PTPRC: variants seen among roughly 807,000 people sequenced by gnomAD.
PTPRC encodes the protein protein tyrosine phosphatase receptor type C, also known as receptor-type tyrosine-protein phosphatase C.
In PTPRC, 44 loss-of-function variants were observed where a neutral mutation model predicts 155.9. That is an observed-to-expected ratio of 0.28 (90% CI 0.22 to 0.36). The LOEUF is 0.36. Ranked by LOEUF, PTPRC falls within the 10% of genes least tolerant of loss-of-function variation. The pLI, the probability that PTPRC is intolerant of heterozygous loss-of-function variation, is 1.00. For synonymous variants in PTPRC, 525 were observed against 533.1 expected, an observed-to-expected ratio of 0.98 and a Z score of 0.21; for missense variants, 1,401 against 1,564.6, an observed-to-expected ratio of 0.90 and a Z score of 1.76.
intron 6 of PTPRC, 94 bp downstream of exon 6, chr1:198,702,624 T>A (rs1040893585): frequency 1.3e-6 from 2 of 1,525,540 alleles, no homozygotes; most frequent in Non-Finnish European, 1.8e-6. Context: ...GTGCCAGATA[T>A]TATTTGTAGG....
chr1:198,750,766 C>G, intron 29 of PTPRC, 140 bp downstream of exon 29: 1 of 1,116,296 alleles, frequency 9.0e-7, no homozygotes, highest in Non-Finnish European at 1.3e-6. Context: ...AGTCTTACCC[C>G]TTTCACCCTG....
At chr1:198,712,464 T>C (rs906209248) in intron 11 of PTPRC, among the ~76,000 whole-genome samples, 1 of 152,220 alleles carries the variant, frequency 6.6e-6, no homozygotes, top group Non-Finnish European at 1.5e-5. Flanking sequence ...TTAAACTGTA[T>C]CTCAAATGGG....
At chr1:198,688,730 A>G (rs1665767937) in intron 2 of PTPRC, among the ~76,000 whole-genome samples, 1 of 152,206 alleles carries the variant, frequency 6.6e-6, no homozygotes, top group South Asian at 2.1e-4. Flanking sequence ...ATGCATTTTT[A>G]CTTAGCTCAT....
chr1:198,718,381 AC>A, intron 14 of PTPRC, 79 bp downstream of exon 14: 1 of 1,136,694 alleles, frequency 8.8e-7, no homozygotes, highest in Non-Finnish European at 1.3e-6. Flanking sequence ...TAACTTTAAG[AC>A]CACTGCTCAC....
rs1239416943 is a variant in PTPRC at position 198,734,217 on chromosome 1, T to C, written c.2164T>C (p.Tyr722His). ...ATAGGGTTTCAAAGAACCCAGGAAA[T>C]ACATTGCTGCACAAGGTAATTTCTT... ...YIDGFKEPRK[Y>H]IAAQGPRDET... Residue 722 changes from tyrosine to histidine, a missense_variant, in exon 21 of 33, where the codon TAC becomes CAC. Transcript: ENST00000442510. 1 of 1,610,952 alleles carries C rather than the reference T, an allele frequency of 6.2e-7. No homozygotes were observed. The highest frequency in any genetic ancestry group is 8.5e-7 in the Non-Finnish European group (1 of 1,177,982).
At chr1:198,755,833 C>T in intron 32 of PTPRC, 73 bp from the exon 33 acceptor site, 1 of 1,448,948 alleles carries the variant, frequency 6.9e-7, no homozygotes. Flanking sequence ...TTAGTTCTTG[C>T]TAATCTTCAT....
intron 4 of PTPRC, among the ~76,000 whole-genome samples, chr1:198,697,860 AT>A (rs2102388294): frequency 6.6e-6 from 1 of 152,362 alleles, no homozygotes; most frequent in East Asian, 1.9e-4. Flanking sequence ...TTTATTGGAT[AT>A]AGTAAGCAGT....
rs1318148159 is a variant in PTPRC at position 198,639,087 on chromosome 1, A to C, written c.-94A>C. 3.2e-6 allele frequency: 2 copies of C among 616,484 alleles called. No individual in the cohort carries two copies. The highest frequency in any genetic ancestry group is 5.6e-5 in the East Asian group (2 of 35,556). The allele number at this position is 616,484 out of a possible 1,614,324, so 38.2% of individuals were successfully genotyped here. A position where few individuals can be genotyped will look rare whatever the true frequency, so the allele number is the denominator to read the frequency against. On this transcript the variant is annotated 5_prime_UTR_variant, in exon 1 of 33. Transcript: ENST00000442510. ...TGCAGCTAGCAAGTGGTTTGTTCTTAGGGTAACAGAGGAGGAAATTGTTCC... is the reference window on the plus strand; with the variant it reads ...TGCAGCTAGCAAGTGGTTTGTTCTTCGGGTAACAGAGGAGGAAATTGTTCC...
intron 9 of PTPRC, among the ~76,000 whole-genome samples, chr1:198,707,559 TTAA>T (rs1292112944): frequency 6.6e-6 from 1 of 152,196 alleles, no homozygotes; most frequent in African/African-American, 2.4e-5. Context: ...GTCATATCAT[TTAA>T]TAATTCAAGA....
chr1:198,662,222 G>A (rs1363648854), intron 2 of PTPRC, among the ~76,000 whole-genome samples: 1 of 152,148 alleles, frequency 6.6e-6, no homozygotes, highest in Non-Finnish European at 1.5e-5. Flanking sequence ...GACTTCATAT[G>A]TGCTAGATGC....
intron 24 of PTPRC, 61 bp downstream of exon 24, chr1:198,742,087 C>T: frequency 6.2e-7 from 1 of 1,604,504 alleles, no homozygotes; most frequent in Non-Finnish European, 8.5e-7. Flanking sequence ...AATCCACCTG[C>T]CTAGGGCTGT....
chr1:198,751,715 T>G (rs1351602191), intron 29 of PTPRC, among the ~76,000 whole-genome samples: 1 of 152,014 alleles, frequency 6.6e-6, no homozygotes, highest in African/African-American at 2.4e-5. Context: ...GAAACACTTT[T>G]GTGGTTCATC....
intron 14 of PTPRC, among the ~76,000 whole-genome samples, 153 bp downstream of exon 14, chr1:198,718,455 C>A (rs934906487): frequency 6.6e-6 from 1 of 152,128 alleles, no homozygotes; most frequent in Non-Finnish European, 1.5e-5. Context: ...ATATTTGACT[C>A]TAAAATTTTT....
chr1:198,647,461 T>C, intron 2 of PTPRC, among the ~76,000 whole-genome samples: 1 of 151,898 alleles, frequency 6.6e-6, no homozygotes, highest in East Asian at 1.9e-4. Context: ...TTATTGTTAT[T>C]TATGGGAATT....
At chr1:198,734,551 G>A (rs1471640784) in intron 22 of PTPRC, 126 bp downstream of exon 22, 9 of 852,208 alleles carry the variant, frequency 1.1e-5, no homozygotes, top group African/African-American at 1.7e-5. Context: ...TTTAATCAGT[G>A]TTAACATTTA....
At chr1:198,746,445 C>T (rs1461920614) in intron 26 of PTPRC, among the ~76,000 whole-genome samples, 1 of 151,002 alleles carries the variant, frequency 6.6e-6, no homozygotes, top group Non-Finnish European at 1.5e-5. Context: ...CCTTAGCTGA[C>T]ATCCAGGTTT....
rs1012783523 is a variant in PTPRC at position 198,752,966 on chromosome 1, G to C, written c.3509+194G>C. ...ATATAATAGAAGTGATTATATTATAGTGCAATAATTTTAAGTTGTGTTTTT... is the reference window on the plus strand; with the variant it reads ...ATATAATAGAAGTGATTATATTATACTGCAATAATTTTAAGTTGTGTTTTT... On this transcript the variant is annotated intron_variant, in intron 31 of 32. Transcript: ENST00000442510. Among the ~76,000 whole-genome samples, 5 of 152,080 alleles carry C rather than the reference G, an allele frequency of 3.3e-5. No homozygotes were observed. The East Asian group carries it at 9.7e-4, about 29-fold the overall frequency.
chr1:198,639,261 T>C lies in PTPRC; in HGVS notation c.-8T>C, dbSNP rs753531027. 9.9e-6 allele frequency: 16 copies of C among 1,613,236 alleles called. No individual in the cohort carries two copies. Among genetic ancestry groups the C allele is most frequent in the Middle Eastern group, 3.3e-4 (2 of 6,058 alleles). ...GCTGTTTCTTAGGGACACGGCTGAC[T>C]TCCAGATATGACCATGTATTTGTGG... On this transcript the variant is annotated 5_prime_UTR_variant, in exon 2 of 33. Coordinates refer to ENST00000442510, the MANE Select transcript of PTPRC (RefSeq NM_002838.5).
chr1:198,750,666 A>C (rs767996928), intron 29 of PTPRC, 40 bp downstream of exon 29: 1 of 1,602,560 alleles, frequency 6.2e-7, no homozygotes. Context: ...CCTTTCTGTC[A>C]TAAAACGTCA....
Sources: allele counts gnomAD v4.1 joint callset (sites outside exome capture counted in the v4.1 genomes callset), GRCh38; gene constraint gnomAD v4.1.1; transcripts MANE v1.5; gene names NCBI Gene and HGNC (gene_info 2026-07-23, HGNC 2026-07-21).